Variants in SPECC1 observed in about 807,000 individuals in gnomAD.
SPECC1 encodes sperm antigen with calponin homology and coiled-coil domains 1.
Under a neutral mutation model 104.1 loss-of-function variants are expected in SPECC1, and 62 were observed. The observed-to-expected ratio is 0.60, with a 90% confidence interval of 0.49 to 0.74. The LOEUF is 0.74. SPECC1 is among the 30% of genes least tolerant of loss of function. The pLI, the probability that SPECC1 is intolerant of heterozygous loss-of-function variation, is 0.00. For synonymous variants in SPECC1, 513 were observed against 501.6 expected, an observed-to-expected ratio of 1.02 and a Z score of -0.30; for missense variants, 1,306 against 1,310.5, an observed-to-expected ratio of 1.00 and a Z score of 0.05.
At chr17:20,235,698 A>C (rs970882535) in intron 7 of SPECC1, among the ~76,000 whole-genome samples, 43 of 152,296 alleles carry the variant, frequency 2.8e-4, no homozygotes, top group African/African-American at 2.4e-5. Context: ...GACTTATCTG[A>C]TTCTTACTGT....
chr17:20,018,487 C>T (rs2044237398), intron 1 of SPECC1, among the ~76,000 whole-genome samples: 1 of 152,190 alleles, frequency 6.6e-6, no homozygotes, highest in Non-Finnish European at 1.5e-5. Context: ...AACTTTTGGG[C>T]TTAACTGGTC....
chr17:20,224,838 T>C (rs1356955271), intron 4 of SPECC1, among the ~76,000 whole-genome samples: 1 of 151,950 alleles, frequency 6.6e-6, no homozygotes, highest in East Asian at 1.9e-4. Context: ...TCCCCTTTAC[T>C]CTTCCCTCTG....
At chr17:20,103,879 G>C (rs1042873759) in intron 2 of SPECC1, among the ~76,000 whole-genome samples, 1 of 152,122 alleles carries the variant, frequency 6.6e-6, no homozygotes, top group Non-Finnish European at 1.5e-5. Context: ...ATATTCTAAG[G>C]GCTCTTTTAC....
Position 20,167,204 on chromosome 17 carries a change from TA to T in SPECC1, c.284-37128del, listed in dbSNP as rs1229282836. 3.4e-5 allele frequency among the ~76,000 whole-genome samples: 5 copies of T among 148,104 alleles called. No homozygotes were observed. The East Asian group carries it at 9.8e-4, about 29-fold the overall frequency. On this transcript the variant is annotated intron_variant, in intron 3 of 14. Coordinates refer to ENST00000395527, the MANE Select transcript of SPECC1 (RefSeq NM_001243439.2). ...AATATGTTAGCTACATATATGTGTT[TA>T]TATATATACTATATATATAATGTAT...
chr17:20,110,652 C>T, intron 3 of SPECC1, 90 bp downstream of exon 3: 2 of 1,372,170 alleles, frequency 1.5e-6, no homozygotes, highest in Non-Finnish European at 1.9e-6. Context: ...CCATTCCTTC[C>T]CTCGTGAAAT....
chr17:20,258,267 A>T (rs537763025), intron 11 of SPECC1, among the ~76,000 whole-genome samples: 20 of 152,320 alleles, frequency 1.3e-4, no homozygotes, highest in African/African-American at 4.6e-4. Context: ...TTTTGAAATC[A>T]GTGTTTAAGA....
intron 14 of SPECC1, among the ~76,000 whole-genome samples, chr17:20,313,742 C>T (rs1333711335): frequency 6.6e-6 from 1 of 152,192 alleles, no homozygotes; most frequent in Non-Finnish European, 1.5e-5. Context: ...AAGATAAAAG[C>T]AGTGGGAGGT....
intron 1 of SPECC1, among the ~76,000 whole-genome samples, chr17:20,025,283 A>G (rs879581701): frequency 6.6e-6 from 1 of 152,218 alleles, no homozygotes; most frequent in Admixed American, 6.5e-5. Context: ...TCAGAGTCCT[A>G]GTCTCCAGAA....
At chr17:20,212,166 G>A (rs138299264) in intron 4 of SPECC1, among the ~76,000 whole-genome samples, 18 of 152,212 alleles carry the variant, frequency 1.2e-4, no homozygotes, top group African/African-American at 4.3e-4. Context: ...CTCTCCCTTG[G>A]TGGAGCAGCA....
chr17:20,173,306 T>C (rs557845012), intron 3 of SPECC1, among the ~76,000 whole-genome samples: 1 of 152,344 alleles, frequency 6.6e-6, no homozygotes, highest in Non-Finnish European at 1.5e-5. Context: ...TGACCATTAC[T>C]CCCAAAGAAG....
At chr17:20,064,066 AAGG>A (rs2046280234) in intron 1 of SPECC1, among the ~76,000 whole-genome samples, 1 of 152,206 alleles carries the variant, frequency 6.6e-6, no homozygotes, top group Non-Finnish European at 1.5e-5. Context: ...GAGTTGGCAG[AAGG>A]AGGTGATCTT....
intron 4 of SPECC1, 107 bp downstream of exon 4, chr17:20,206,019 A>G (rs2036757526): frequency 1.4e-6 from 2 of 1,433,668 alleles, no homozygotes; most frequent in South Asian, 2.8e-5. Context: ...AGTCTGTTTC[A>G]TTCACGAAGC....
At chr17:20,245,367 C>G (rs1390252568) in intron 7 of SPECC1, among the ~76,000 whole-genome samples, 1 of 152,164 alleles carries the variant, frequency 6.6e-6, no homozygotes, top group Non-Finnish European at 1.5e-5. Flanking sequence ...CAGTCTCTGT[C>G]TACATAGTGA....
In SPECC1 at chr17:20,222,055, C is replaced by T. The variant is rs142798424; in HGVS notation, c.1864-5358C>T. On this transcript the variant is annotated intron_variant, in intron 4 of 14. Coordinates refer to ENST00000395527, the MANE Select transcript of SPECC1 (RefSeq NM_001243439.2). ...TTTTAAGTTTTAGGAGTTACAGGGC[C>T]AGGCGTGGTGGTTCAAGCCTGTAAT... Among the ~76,000 whole-genome samples the T allele has an allele frequency of 8.0e-5, 12 of 150,546 alleles. No individual in the cohort carries two copies. In the East Asian group the frequency reaches 2.1e-3, roughly 27 times the overall value.
rs1378821787 is a variant in SPECC1 at position 20,314,840 on chromosome 17, C to T, written c.*775C>T. 1 of 232,508 alleles carries T rather than the reference C, an allele frequency of 4.3e-6. No homozygotes were observed. The highest frequency in any genetic ancestry group is 8.5e-6 in the Non-Finnish European group (1 of 117,642). The allele number at this position is 232,508 out of a possible 1,614,324, so 14.4% of individuals were successfully genotyped here. On this transcript the variant is annotated 3_prime_UTR_variant, in exon 15 of 15. Transcript: ENST00000395527. ...CCTGGAACTTGATTCACTTTTAGCT[C>T]TCACCATCCCTTATTTGATTTATTG...
intron 3 of SPECC1, among the ~76,000 whole-genome samples, chr17:20,157,074 TTGAA>T (rs1299348637): frequency 2.0e-5 from 3 of 152,040 alleles, no homozygotes; most frequent in Admixed American, 6.5e-5. Context: ...GAATTTTAAT[TTGAA>T]TGAGGACTTT....
intron 7 of SPECC1, among the ~76,000 whole-genome samples, chr17:20,234,964 G>A (rs1005810358): frequency 1.3e-5 from 2 of 152,274 alleles, no homozygotes; most frequent in African/African-American, 2.4e-5. Context: ...ATGTGGGGAA[G>A]GAAGGCGGTA....
At chr17:20,079,320 A>T (rs1242567141) in intron 1 of SPECC1, among the ~76,000 whole-genome samples, 1 of 152,056 alleles carries the variant, frequency 6.6e-6, no homozygotes, top group African/African-American at 2.4e-5. Context: ...GTATTTTTAG[A>T]GACAGGGTCT....
rs199812297 is a variant in SPECC1, at chr17:20,204,569, T to C, written c.520T>C (p.Leu174=). ...AALESQVREL[L]AEAKAKDSEI... Reference sequence around the variant, plus strand: ...GCTTGAGTCCCAAGTTCGGGAACTTTTGGCAGAAGCCAAAGCAAAAGATAG... The same window carrying C: ...GCTTGAGTCCCAAGTTCGGGAACTTCTGGCAGAAGCCAAAGCAAAAGATAG... Residue 174 remains leucine (L), a synonymous_variant, in exon 4 of 15, where the codon TTG becomes CTG. Transcript: ENST00000395527. 3.7e-6 allele frequency: 6 copies of C among 1,614,134 alleles called. No homozygotes were observed. Among genetic ancestry groups the C allele is most frequent in the Middle Eastern group, 1.6e-4 (1 of 6,062 alleles).
Sources: allele counts gnomAD v4.1 joint callset (sites outside exome capture counted in the v4.1 genomes callset), GRCh38; gene constraint gnomAD v4.1.1; transcripts MANE v1.5; gene names NCBI Gene and HGNC (gene_info 2026-07-23, HGNC 2026-07-21).